The following TNNI3K variants were observed in gnomAD, a reference collection of about 807,000 sequenced individuals.
The protein encoded by TNNI3K is TNNI3 interacting kinase.
Under a neutral mutation model 114.5 loss-of-function variants are expected in TNNI3K, and 140 were observed. That is an observed-to-expected ratio of 1.22 (90% CI 1.07 to 1.41). The LOEUF is 1.41. TNNI3K is among the 40% of genes most tolerant of loss of function. The pLI is 0.00. For missense variants in TNNI3K, 1,125 were observed against 1,007.6 expected (o/e 1.12, Z -1.58); for synonymous variants, 347 against 347.5 (o/e 1.00, Z 0.02).
intron 5 of TNNI3K, among the ~76,000 whole-genome samples, chr1:74,305,974 A>T (rs1052398715): frequency 2.3e-4 from 35 of 152,130 alleles, no homozygotes; most frequent in African/African-American, 7.2e-4. Flanking sequence ...ATCACCCAAA[A>T]AGTGAACGTA....
At chr1:74,236,429 A>T (rs563086619) in intron 2 of TNNI3K, among the ~76,000 whole-genome samples, 89 of 151,962 alleles carry the variant, frequency 5.9e-4, no homozygotes, top group African/African-American at 1.9e-3. Flanking sequence ...GTAATCTGCC[A>T]TCATTAAAGT....
At chr1:74,532,307 CTGATTA>C (rs1225884892) in intron 23 of TNNI3K, among the ~76,000 whole-genome samples, 2 of 152,060 alleles carry the variant, frequency 1.3e-5, no homozygotes, top group Non-Finnish European at 2.9e-5. Context: ...TGATTTTGCT[CTGATTA>C]TAAGGGATGT....
intron 17 of TNNI3K, among the ~76,000 whole-genome samples, chr1:74,379,933 T>C (rs1290309614): frequency 4.6e-5 from 7 of 152,164 alleles, no homozygotes; most frequent in Non-Finnish European, 1.0e-4. Context: ...CATTTAATTT[T>C]GGCTGCATTC....
intron 23 of TNNI3K, among the ~76,000 whole-genome samples, chr1:74,523,208 T>C (rs1646458201): frequency 6.6e-6 from 1 of 152,178 alleles, no homozygotes; most frequent in Non-Finnish European, 1.5e-5. Context: ...GCTGGGAAGA[T>C]TAAATAAGGA....
intron 4 of TNNI3K, among the ~76,000 whole-genome samples, chr1:74,255,970 G>A (rs1452252250): frequency 6.6e-6 from 1 of 152,028 alleles, no homozygotes; most frequent in African/African-American, 2.4e-5. Flanking sequence ...TTTTCTTGTA[G>A]AATTGTATTC....
chr1:74,235,531 T>C (rs1653794308), intron 1 of TNNI3K, 40 bp downstream of exon 1: 4 of 1,137,278 alleles, frequency 3.5e-6, no homozygotes, highest in Non-Finnish European at 5.1e-6. Context: ...AAGTGTAATA[T>C]GGTTCAATTA....
intron 21 of TNNI3K, chr1:74,483,156 T>C (rs1351781545): frequency 1.6e-6 from 1 of 630,336 alleles, no homozygotes; most frequent in South Asian, 1.9e-5. Context: ...CATTAAAGGG[T>C]TACCTCTTAA....
At chr1:74,542,261 G>A (rs1413570508) in intron 24 of TNNI3K, among the ~76,000 whole-genome samples, 1 of 152,176 alleles carries the variant, frequency 6.6e-6, no homozygotes, top group African/African-American at 2.4e-5. Flanking sequence ...GTCCTGTGGG[G>A]CAAGAGGCAC....
chr1:74,539,392 A>G (rs916224941), intron 23 of TNNI3K, among the ~76,000 whole-genome samples: 3 of 152,154 alleles, frequency 2.0e-5, no homozygotes, highest in Non-Finnish European at 4.4e-5. Context: ...TGAGAATGAC[A>G]AATGATGAAT....
intron 17 of TNNI3K, chr1:74,401,725 G>A (rs745429013): frequency 2.5e-6 from 1 of 394,526 alleles, no homozygotes; most frequent in African/African-American, 2.1e-5. Flanking sequence ...GAAATAAGAT[G>A]TCAAATATGA....
chr1:74,328,731 GA>G (rs201261708), intron 5 of TNNI3K, among the ~76,000 whole-genome samples: 8 of 151,576 alleles, frequency 5.3e-5, no homozygotes, highest in East Asian at 1.9e-4. Flanking sequence ...AACTTAGGAG[GA>G]AAAAAAATGG....
chr1:74,465,683 C>G (rs1167463094), intron 21 of TNNI3K, among the ~76,000 whole-genome samples: 1 of 152,222 alleles, frequency 6.6e-6, no homozygotes, highest in East Asian at 1.9e-4. Context: ...GCCCACGGCC[C>G]TGGCCAGGTA....
chr1:74,509,075 C>T (rs1020014135), intron 23 of TNNI3K, among the ~76,000 whole-genome samples: 2 of 152,150 alleles, frequency 1.3e-5, no homozygotes, highest in Non-Finnish European at 2.9e-5. Flanking sequence ...GATCCTTATT[C>T]AGACACTTTC....
intron 17 of TNNI3K, among the ~76,000 whole-genome samples, chr1:74,400,138 A>C (rs2100588729): frequency 6.6e-6 from 1 of 152,322 alleles, no homozygotes; most frequent in Non-Finnish European, 1.5e-5. Flanking sequence ...TCCTATATTA[A>C]TTACCATAAA....
At chr1:74,437,163 TAC>T (rs1351823932) in intron 19 of TNNI3K, among the ~76,000 whole-genome samples, 2 of 152,086 alleles carry the variant, frequency 1.3e-5, no homozygotes, top group East Asian at 3.9e-4. Context: ...TGCTTCTACT[TAC>T]ACTCAGTCAC....
At chr1:74,537,995 T>A (rs768459360) in intron 23 of TNNI3K, among the ~76,000 whole-genome samples, 1 of 152,208 alleles carries the variant, frequency 6.6e-6, no homozygotes, top group Non-Finnish European at 1.5e-5. Flanking sequence ...AATAGTTAAA[T>A]AACTTGCCAA....
intron 17 of TNNI3K, among the ~76,000 whole-genome samples, chr1:74,387,181 AT>A (rs1489072769): frequency 1.3e-5 from 2 of 152,136 alleles, no homozygotes; most frequent in African/African-American, 4.8e-5. Context: ...TTTATGATAC[AT>A]GTTTTCTATT....
At position 74,369,432 on chromosome 1, in the gene TNNI3K, T is replaced by C; in HGVS notation, c.1514T>C (p.Met505Thr). The change falls in exon 16 of 25, where the codon ATG (methionine) becomes ACG (threonine). Residue 505 changes from methionine (M) to threonine (T), a missense_variant. Coordinates refer to ENST00000326637, the MANE Select transcript of TNNI3K (RefSeq NM_015978.3). ...NTYCSKSDVD[M>T]FCREVSILCQ... The stretch of plus-strand genomic sequence containing the variant: ...TACTGCTCCAAGTCAGATGTGGATA[T>C]GTTTTGCCGAGAGGTGTCCATTCTC... 1 of 1,612,132 alleles carries C rather than the reference T, an allele frequency of 6.2e-7. No homozygotes were observed. Among genetic ancestry groups the C allele is most frequent in the Non-Finnish European group, 8.5e-7 (1 of 1,179,028 alleles).
chr1:74,304,441 G>T lies in TNNI3K; in HGVS notation c.445-27009G>T, dbSNP rs185576048. Among the ~76,000 whole-genome samples, 77 of 152,132 alleles carry T rather than the reference G, an allele frequency of 5.1e-4. 2 individuals are homozygous for T. Among genetic ancestry groups the T allele is most frequent in the East Asian group, 3.7e-3 (19 of 5,170 alleles). On this transcript the variant is annotated intron_variant, in intron 5 of 24. Coordinates refer to ENST00000326637, the MANE Select transcript of TNNI3K (RefSeq NM_015978.3). ...AATTTTTTAGCAATAAAGTGATGAT[G>T]ATTATTATTACTATCTTTAGACACA... is the stretch of plus-strand genomic sequence containing the variant.
Sources: gnomAD v4.1 joint callset for allele counts (sites outside exome capture counted in the v4.1 genomes callset) on GRCh38, gnomAD v4.1.1 for gene constraint, MANE v1.5 for transcripts, NCBI Gene and HGNC (gene_info 2026-07-23, HGNC 2026-07-21) for gene names.